The following SAMSN1 variants were observed in gnomAD, a reference collection of about 807,000 sequenced individuals.
The protein encoded by SAMSN1 is SAM domain, SH3 domain and nuclear localization signals 1.
In SAMSN1, 31 loss-of-function variants were observed where a neutral mutation model predicts 42.0. That is an observed-to-expected ratio of 0.74 (90% CI 0.55 to 1.00). The LOEUF (loss-of-function observed/expected upper bound fraction) is 1.00, where lower values mean the gene tolerates loss of function less well. Ranked by LOEUF, SAMSN1 falls within the 50% of genes least tolerant of loss-of-function variation. The pLI, the probability that SAMSN1 is intolerant of heterozygous loss-of-function variation, is 0.00. For synonymous variants in SAMSN1, 178 were observed against 151.9 expected, an observed-to-expected ratio of 1.17 and a Z score of -1.26; for missense variants, 464 against 439.4, an observed-to-expected ratio of 1.06 and a Z score of -0.50.
At chr21:14,644,286 G>A (rs571795127) in intron 1 of SAMSN1, among the ~76,000 whole-genome samples, 60 of 152,030 alleles carry the variant, frequency 3.9e-4, no homozygotes, top group African/African-American at 1.2e-3. Context: ...GAGGAGAGAC[G>A]GAAGTGTAGG....
intron 1 of SAMSN1, among the ~76,000 whole-genome samples, chr21:14,543,303 A>G (rs1980161193): frequency 1.3e-5 from 2 of 152,214 alleles, no homozygotes; most frequent in African/African-American, 2.4e-5. Flanking sequence ...GAGAGAACCT[A>G]TACTAAAAAT....
At chr21:14,622,748 C>G (rs1983048447) in intron 2 of SAMSN1, among the ~76,000 whole-genome samples, 1 of 152,080 alleles carries the variant, frequency 6.6e-6, no homozygotes, top group East Asian at 1.9e-4. Flanking sequence ...GGCCAACATT[C>G]AAATTCAGGA....
At chr21:14,491,740 T>A (rs1568762121) in intron 7 of SAMSN1, among the ~76,000 whole-genome samples, 2 of 152,240 alleles carry the variant, frequency 1.3e-5, no homozygotes, top group Non-Finnish European at 1.5e-5. Flanking sequence ...TAAATAAATT[T>A]GTGTGATTTT....
intron 2 of SAMSN1, among the ~76,000 whole-genome samples, chr21:14,627,715 G>A (rs575361095): frequency 2.4e-4 from 36 of 152,118 alleles, no homozygotes; most frequent in Non-Finnish European, 4.9e-4. Context: ...GTACTAAATT[G>A]AACTAAAATT....
intron 2 of SAMSN1, among the ~76,000 whole-genome samples, chr21:14,576,976 T>A (rs1278915848): frequency 6.6e-6 from 1 of 151,110 alleles, no homozygotes; most frequent in African/African-American, 2.4e-5. Flanking sequence ...AAAATGGGTT[T>A]GAAAATATTT....
intron 4 of SAMSN1, among the ~76,000 whole-genome samples, chr21:14,609,972 G>A (rs970309046): frequency 6.6e-6 from 1 of 152,180 alleles, no homozygotes; most frequent in Non-Finnish European, 1.5e-5. Flanking sequence ...TTCATAAGGT[G>A]AGGATGTATG....
intron 5 of SAMSN1, among the ~76,000 whole-genome samples, chr21:14,605,449 C>T (rs1056289751): frequency 6.6e-6 from 1 of 152,130 alleles, no homozygotes; most frequent in East Asian, 1.9e-4. Context: ...AGTTAAATTA[C>T]CTGCTCTTAG....
chr21:14,486,189 G>A, intron 7 of SAMSN1, 75 bp from the exon 8 acceptor site: 1 of 988,602 alleles, frequency 1.0e-6, no homozygotes, highest in Non-Finnish European at 1.6e-6. Context: ...TCACTTTCAA[G>A]TATTATCCTA....
chr21:14,577,257 T>A (rs1270072387), intron 2 of SAMSN1, among the ~76,000 whole-genome samples: 12 of 42,960 alleles, frequency 2.8e-4, no homozygotes, highest in Middle Eastern at 7.7e-3. Context: ...TATATATATA[T>A]ATATATATAT....
At chr21:14,523,811 T>C (rs1978655466) in intron 1 of SAMSN1, among the ~76,000 whole-genome samples, 1 of 152,132 alleles carries the variant, frequency 6.6e-6, no homozygotes, top group Non-Finnish European at 1.5e-5. Flanking sequence ...ACTATCTTCT[T>C]CCATTAAGTA....
intron 2 of SAMSN1, among the ~76,000 whole-genome samples, chr21:14,556,801 C>T (rs1156825615): frequency 6.6e-6 from 1 of 152,166 alleles, no homozygotes; most frequent in Non-Finnish European, 1.5e-5. Flanking sequence ...AAACATGTTA[C>T]CTGCAACTCA....
At chr21:14,603,231 T>C (rs1426082788) in intron 5 of SAMSN1, among the ~76,000 whole-genome samples, 2 of 152,188 alleles carry the variant, frequency 1.3e-5, no homozygotes, top group Non-Finnish European at 2.9e-5. Flanking sequence ...GTCACCTTTT[T>C]ACAGGAATTT....
chr21:14,505,924 C>T (rs1987379498), intron 5 of SAMSN1, among the ~76,000 whole-genome samples: 1 of 152,012 alleles, frequency 6.6e-6, no homozygotes, highest in African/African-American at 2.4e-5. Context: ...TGGAATAAAA[C>T]TGGAAATTAA....
At chr21:14,584,755 G>C (rs541196073), upstream of SAMSN1, among the ~76,000 whole-genome samples, 89 of 152,170 alleles carry the variant, frequency 5.8e-4, no homozygotes, top group Non-Finnish European at 1.1e-3. Context: ...CATCTACAAA[G>C]ACACTGCAGT....
In SAMSN1 at chr21:14,485,829, T is replaced by C. The variant is rs1274188373; in HGVS notation, c.*83A>G. ...AGGTTTTATTTACAAATATTTATCT[T>C]ATCTTCCTCTCCTATTTGACGTTTT... On this transcript the variant is annotated 3_prime_UTR_variant, in exon 8 of 8. Coordinates refer to ENST00000400566, the MANE Select transcript of SAMSN1 (RefSeq NM_022136.5). 9.7e-6 allele frequency: 10 copies of C among 1,030,260 alleles called. No homozygotes were observed. The highest frequency in any genetic ancestry group is 1.5e-5 in the Non-Finnish European group (10 of 662,864). The allele number at this position is 1,030,260 out of a possible 1,614,324, so 63.8% of individuals were successfully genotyped here. A position where few individuals can be genotyped will look rare whatever the true frequency, so the allele number is the denominator to read the frequency against.
At chr21:14,578,369 A>G (rs1981575683) in intron 2 of SAMSN1, among the ~76,000 whole-genome samples, 1 of 152,154 alleles carries the variant, frequency 6.6e-6, no homozygotes, top group Non-Finnish European at 1.5e-5. Context: ...AGCAGGAAGC[A>G]TATCTGGGTG....
chr21:14,509,745 C>T lies in SAMSN1; in HGVS notation c.561+565G>A, dbSNP rs375712259. On this transcript the variant is annotated intron_variant, in intron 5 of 7. Coordinates refer to ENST00000400566, the MANE Select transcript of SAMSN1 (RefSeq NM_022136.5). ...AGGAAAATGGAGAGAATTCCTTCCT[C>T]CCTGATAGACTCTGAACCTGAATCA... Among the ~76,000 whole-genome samples the T allele has an allele frequency of 3.9e-5, 6 of 152,234 alleles. No individual in the cohort carries two copies. The South Asian group carries it at 6.2e-4, about 16-fold the overall frequency.
At chr21:14,614,118 G>C (rs1434548082) in intron 3 of SAMSN1, among the ~76,000 whole-genome samples, 6 of 152,172 alleles carry the variant, frequency 3.9e-5, no homozygotes, top group African/African-American at 1.4e-4. Context: ...TATTGTAATA[G>C]TGACTGTATA....
At chr21:14,625,609 C>T (rs1983144859) in intron 2 of SAMSN1, among the ~76,000 whole-genome samples, 1 of 152,220 alleles carries the variant, frequency 6.6e-6, no homozygotes, top group Admixed American at 6.5e-5. Flanking sequence ...CTGCAAACCA[C>T]TGCTCAATGA....
Sources: gnomAD v4.1 joint callset for allele counts (sites outside exome capture counted in the v4.1 genomes callset) on GRCh38, gnomAD v4.1.1 for gene constraint, MANE v1.5 for transcripts, NCBI Gene and HGNC (gene_info 2026-07-23, HGNC 2026-07-21) for gene names.